Variants in RYR3 observed in about 807,000 individuals in gnomAD.
RYR3 encodes brain ryanodine receptor-calcium release channel.
Under a neutral mutation model 584.3 loss-of-function variants are expected in RYR3, and 207 were observed. The ratio of observed to expected loss-of-function variants is 0.35; its 90% CI spans 0.32 to 0.40. The LOEUF is 0.40. Among genes scored for constraint, RYR3 ranks in the 10% least tolerant of loss-of-function variants. The pLI, the probability that RYR3 is intolerant of heterozygous loss-of-function variation, is 1.00. For synonymous variants in RYR3, 2,416 were observed against 2,248.5 expected (o/e 1.07, Z -2.11); for missense variants, 5,616 against 6,089.2 (o/e 0.92, Z 2.59).
At chr15:33,786,472 A>G (rs1039598575) in intron 66 of RYR3, among the ~76,000 whole-genome samples, 1 of 149,674 alleles carries the variant, frequency 6.7e-6, no homozygotes, top group African/African-American at 2.4e-5. Flanking sequence ...CGGTAGTGGC[A>G]CTTTGTTGTT....
intron 10 of RYR3, among the ~76,000 whole-genome samples, chr15:33,558,976 G>T (rs543443115): frequency 6.6e-6 from 1 of 152,162 alleles, no homozygotes; most frequent in East Asian, 1.9e-4. Flanking sequence ...GGATAAATGG[G>T]CATAGGGTTG....
At chr15:33,372,212 G>C (rs1018443794) in intron 1 of RYR3, among the ~76,000 whole-genome samples, 2 of 152,154 alleles carry the variant, frequency 1.3e-5, no homozygotes, top group Non-Finnish European at 2.9e-5. Context: ...AGCATTTTGA[G>C]ACAGGGCCTT....
intron 38 of RYR3, among the ~76,000 whole-genome samples, chr15:33,674,007 C>T (rs2064004892): frequency 6.6e-6 from 1 of 152,146 alleles, no homozygotes; most frequent in Non-Finnish European, 1.5e-5. Flanking sequence ...CACTCTTGGC[C>T]TTGAATAGTG....
chr15:33,403,974 A>C (rs1159489438), intron 1 of RYR3, among the ~76,000 whole-genome samples: 7 of 152,238 alleles, frequency 4.6e-5, no homozygotes, highest in African/African-American at 1.7e-4. Flanking sequence ...AAGCATATGG[A>C]ATATCTTGTC....
intron 20 of RYR3, among the ~76,000 whole-genome samples, chr15:33,627,451 G>A (rs11638664): frequency 0.054 from 8,258 of 152,182 alleles, 204 homozygotes; most frequent in Middle Eastern, 0.085. Flanking sequence ...GAGGATAAAC[G>A]TTGAAGGTAT....
chr15:33,623,979 C>G lies in RYR3; in HGVS notation c.2530C>G (p.Leu844Val). Residue 844 changes from leucine to valine, a missense_variant, in exon 20 of 104, where the codon CTC (leucine) becomes GTC (valine). Leu to Val is a conservative substitution (Grantham distance 32). This residue lies in a region of RYR3 where 1,284 missense variants were observed against 1,344.6 expected (regional missense o/e 0.95). Transcript: ENST00000634891. ...AGATCTCTTGGGTACCACCCAGTTC[C>G]TCTCCCAAGCCTCTTTCATCCCATG... ...IRDLLGTTQF[L>V]SQASFIPCPV... The G allele has an allele frequency of 6.2e-7, 1 of 1,613,992 alleles. No individual in the cohort carries two copies. Among genetic ancestry groups the G allele is most frequent in the East Asian group, 2.2e-5 (1 of 44,886 alleles).
chr15:33,797,301 C>G (rs115916066), intron 67 of RYR3, among the ~76,000 whole-genome samples: 5,949 of 152,146 alleles, frequency 0.039, 381 homozygotes, highest in African/African-American at 0.14. Context: ...ACCCACAGAT[C>G]AGCTAGGTAT....
At chr15:33,455,815 C>T (rs771232039) in intron 1 of RYR3, among the ~76,000 whole-genome samples, 3 of 152,122 alleles carry the variant, frequency 2.0e-5, no homozygotes, top group Non-Finnish European at 4.4e-5. Flanking sequence ...ATTTTATTTC[C>T]TATTTATTGC....
intron 1 of RYR3, among the ~76,000 whole-genome samples, chr15:33,407,782 G>A (rs2043123963): frequency 6.6e-6 from 1 of 152,126 alleles, no homozygotes; most frequent in Non-Finnish European, 1.5e-5. Context: ...CATAAAATCT[G>A]GAGAAAGGCA....
intron 57 of RYR3, among the ~76,000 whole-genome samples, chr15:33,753,761 C>T (rs1001617109): frequency 2.6e-5 from 4 of 152,102 alleles, no homozygotes; most frequent in Non-Finnish European, 4.4e-5. Flanking sequence ...AGATAGCCTC[C>T]GGGGAAGCAT....
intron 2 of RYR3, among the ~76,000 whole-genome samples, chr15:33,488,800 G>A (rs376274396): frequency 4.6e-5 from 7 of 152,174 alleles, no homozygotes; most frequent in African/African-American, 9.6e-5. Flanking sequence ...GCAGTGAGCC[G>A]AGACTGCACT....
intron 103 of RYR3, chr15:33,864,880 T>G: frequency 2.2e-6 from 1 of 447,892 alleles, no homozygotes. Context: ...CAAACATTGA[T>G]TGGTTTCAGT....
rs1242933498 is a variant in RYR3, at chr15:33,840,829, C to T, written c.12983C>T (p.Ala4328Val). Residue 4328 changes from alanine to valine, a missense_variant, in exon 90 of 104, where the codon GCA becomes GTA. Around this residue, in one of 9 missense-constraint regions of RYR3, gnomAD observed 918 missense variants for 887.4 expected, o/e 1.03. Transcript: ENST00000634891. ...TVQKKRKAQAAEMKAANEAEG... is the reference protein window; with the variant it reads ...TVQKKRKAQAVEMKAANEAEG... Reference sequence around the variant, plus strand: ...CTAATTGTTATTTTTGTCTAGGCAGCAGAAATGAAAGCAGCAAATGAAGCA... The same window carrying T: ...CTAATTGTTATTTTTGTCTAGGCAGTAGAAATGAAAGCAGCAAATGAAGCA... The T allele has an allele frequency of 6.2e-7, 1 of 1,613,792 alleles. No homozygotes were observed. The highest frequency in any genetic ancestry group is 1.1e-5 in the South Asian group (1 of 91,016).
chr15:33,356,302 C>A (rs1295467032), intron 1 of RYR3, among the ~76,000 whole-genome samples: 1 of 152,144 alleles, frequency 6.6e-6, no homozygotes, highest in Non-Finnish European at 1.5e-5. Flanking sequence ...TGTCACAAGG[C>A]TGCAATGAAG....
chr15:33,325,416 C>T (rs1175776607), intron 1 of RYR3, among the ~76,000 whole-genome samples: 1 of 152,110 alleles, frequency 6.6e-6, no homozygotes, highest in Non-Finnish European at 1.5e-5. Flanking sequence ...TTGAATGGTC[C>T]AAGATTAATT....
intron 1 of RYR3, among the ~76,000 whole-genome samples, chr15:33,363,186 A>G (rs1212162732): frequency 6.6e-6 from 1 of 152,188 alleles, no homozygotes; most frequent in Non-Finnish European, 1.5e-5. Flanking sequence ...TTATGTAGGT[A>G]GGGTGCTCTT....
At chr15:33,358,180 G>A (rs960115379) in intron 1 of RYR3, among the ~76,000 whole-genome samples, 1 of 152,126 alleles carries the variant, frequency 6.6e-6, no homozygotes, top group African/African-American at 2.4e-5. Context: ...TTTCCTCCTT[G>A]GTAAAGTGAG....
chr15:33,533,290 G>A, intron 4 of RYR3, 21 bp from the exon 5 acceptor site: 1 of 1,550,152 alleles, frequency 6.5e-7, no homozygotes, highest in Non-Finnish European at 8.8e-7. Flanking sequence ...GACTTCACTA[G>A]TATTTGCTCT....
In RYR3 at chr15:33,810,981, G is replaced by C. The variant is rs2076502951; in HGVS notation, c.10201G>C (p.Asp3401His). The C allele has an allele frequency of 6.2e-7, 1 of 1,606,872 alleles. No homozygotes were observed. The highest frequency in any genetic ancestry group is 1.3e-5 in the African/African-American group (1 of 74,920). ...SLAKSRYSHR[D>H]TDEEVREHLR... ...AATCTGACATCTCTTTCCACAGAGGGACACAGATGAAGAGGTCAGAGAACA... is the reference window on the plus strand; with the variant it reads ...AATCTGACATCTCTTTCCACAGAGGCACACAGATGAAGAGGTCAGAGAACA... The change falls in exon 72 of 104, where the codon GAC becomes CAC. Residue 3401 changes from aspartate (D) to histidine (H), a missense_variant. By Grantham distance (81) the Asp-to-His change is moderately conservative. Coordinates refer to ENST00000634891, the MANE Select transcript of RYR3 (RefSeq NM_001036.6).
Sources: allele counts gnomAD v4.1 joint callset (sites outside exome capture counted in the v4.1 genomes callset), GRCh38; gene constraint gnomAD v4.1.1; regional missense constraint gnomAD v4.1.1; transcripts MANE v1.5; gene names NCBI Gene and HGNC (gene_info 2026-07-23, HGNC 2026-07-21).